SLC6A13: variants seen among roughly 807,000 people sequenced by gnomAD.
SLC6A13 encodes solute carrier family 6 member 13.
Under a neutral mutation model 72.9 loss-of-function variants are expected in SLC6A13, and 69 were observed. That is an observed-to-expected ratio of 0.95 (90% CI 0.78 to 1.16). The LOEUF (loss-of-function observed/expected upper bound fraction) is 1.16. SLC6A13 is among the 50% of genes most tolerant of loss of function. The pLI, the probability that SLC6A13 is intolerant of heterozygous loss-of-function variation, is 0.00. For missense variants in SLC6A13, 735 were observed against 760.5 expected (o/e 0.97, Z 0.39); for synonymous variants, 303 against 303.0 (o/e 1.00, Z 0.00).
chr12:233,561 G>A (rs1447973038), intron 7 of SLC6A13, among the ~76,000 whole-genome samples: 5 of 152,146 alleles, frequency 3.3e-5, no homozygotes, highest in East Asian at 3.9e-4. Flanking sequence ...AGGGAGCTGC[G>A]GCCTAGACAT....
rs778756012 is a variant in SLC6A13 at position 224,103 on chromosome 12, T to C, written c.1200A>G (p.Thr400=). 1.2e-6 allele frequency: 2 copies of C among 1,614,176 alleles called. No individual in the cohort carries two copies. The highest frequency in any genetic ancestry group is 1.7e-6 in the Non-Finnish European group (2 of 1,180,028). Residue 400 remains threonine, a synonymous_variant, in exon 11 of 15, where the codon ACA becomes ACG. Transcript: ENST00000343164. ...CGTGAGGGTACATGTCCACCAGCGC[T>C]GTCACCAGGCTTTCTACACACACAA... The part of the protein sequence containing the change: ...SQFVCVESLV[T]ALVDMYPHVF...
Position 254,885 on chromosome 12 carries a change from G to A in SLC6A13, c.202+4966C>T, listed in dbSNP as rs1362244538. ...TCTGGGGCTAGGCACAGTGGCTTAT[G>A]CCTGTAATCCCAGCACTTTGGGAGG... is the stretch of plus-strand genomic sequence containing the variant. On this transcript the variant is annotated intron_variant, in intron 2 of 14. Coordinates refer to ENST00000343164, the MANE Select transcript of SLC6A13 (RefSeq NM_016615.5). This position sits in a 1 kb window ranked among gnomAD's most constrained non-coding sequence, Gnocchi z 4.4. Among the ~76,000 whole-genome samples the A allele has an allele frequency of 6.6e-6, 1 of 152,158 alleles. No individual in the cohort carries two copies. The highest frequency in any genetic ancestry group is 2.4e-5 in the African/African-American group (1 of 41,442).
chr12:235,889 T>C (rs1475027070), intron 6 of SLC6A13, among the ~76,000 whole-genome samples: 1 of 152,168 alleles, frequency 6.6e-6, no homozygotes, highest in South Asian at 2.1e-4. Context: ...GGAATGTCTG[T>C]CTTATGCAGT....
At position 242,714 on chromosome 12, in the gene SLC6A13, G is replaced by A. The variant is rs148384490; in HGVS notation, c.378C>T (p.Asn126=). Residue 126 remains asparagine, a synonymous_variant, in exon 4 of 15, where the codon AAC becomes AAT. Transcript: ENST00000343164. ...AGGCCAACACAATGATGTAGTAGAC[G>A]TTGAGGAGGATGACGATCATCTGGG... is the stretch of plus-strand genomic sequence containing the variant. ...YASQMIVILL[N]VYYIIVLAWA... 45 of 1,604,356 alleles carry A rather than the reference G, an allele frequency of 2.8e-5. No individual in the cohort carries two copies. Among genetic ancestry groups the A allele is most frequent in the Middle Eastern group, 3.3e-4 (2 of 6,048 alleles).
At position 221,510 on chromosome 12, in the gene SLC6A13, G is replaced by T; in HGVS notation, c.1552C>A (p.Leu518Met). ...TACGTGTACTTCTTGTTGTAGGTCA[G>T]CGGAGTGTACTTTATCAGGGAGAAG... ...FLFSLIKYTP[L>M]TYNKKYTYPW... Residue 518 changes from leucine to methionine, a missense_variant, in exon 14 of 15, where the codon CTG becomes ATG. Coordinates refer to ENST00000343164, the MANE Select transcript of SLC6A13 (RefSeq NM_016615.5). 6.2e-7 allele frequency: 1 copy of T among 1,611,998 alleles called. No individual in the cohort carries two copies. The highest frequency in any genetic ancestry group is 1.1e-5 in the South Asian group (1 of 90,840).
intron 9 of SLC6A13, among the ~76,000 whole-genome samples, chr12:225,920 G>A (rs910754454): frequency 1.3e-5 from 2 of 152,170 alleles, no homozygotes; most frequent in Non-Finnish European, 2.9e-5. Flanking sequence ...TCACAAAAGA[G>A]GGAAACCCTA....
chr12:235,311 C>G, intron 6 of SLC6A13, 87 bp from the exon 7 acceptor site: 1 of 1,385,250 alleles, frequency 7.2e-7, no homozygotes, highest in Admixed American at 1.8e-5. Flanking sequence ...GGGGCAAGAG[C>G]TCCTCAGAAA....
chr12:238,254 A>G (rs1191685904), intron 4 of SLC6A13: 37 of 1,486,286 alleles, frequency 2.5e-5, no homozygotes, highest in Non-Finnish European at 3.2e-5. Flanking sequence ...CTCAAGCATG[A>G]TCAGATGGCA....
At chr12:247,222 G>T (rs1004899994) in intron 2 of SLC6A13, among the ~76,000 whole-genome samples, 3 of 149,692 alleles carry the variant, frequency 2.0e-5, no homozygotes, top group Admixed American at 6.7e-5. Flanking sequence ...GATCCAAAAA[G>T]TTCAACAAAC....
intron 7 of SLC6A13, among the ~76,000 whole-genome samples, chr12:233,440 G>C (rs913275413): frequency 2.0e-5 from 3 of 152,202 alleles, no homozygotes; most frequent in Non-Finnish European, 2.9e-5. Context: ...AAAAAAGCCC[G>C]CTGTAGTAGA....
chr12:238,916 A>G (rs972232504), intron 4 of SLC6A13, among the ~76,000 whole-genome samples: 1 of 152,080 alleles, frequency 6.6e-6, no homozygotes, highest in African/African-American at 2.4e-5. Flanking sequence ...TGGAATCTCC[A>G]TTTTGTTAAA....
Position 243,656 on chromosome 12 carries a change from G to T in SLC6A13, c.337+23C>A, listed in dbSNP as rs372696373. On this transcript the variant is annotated intron_variant, in intron 3 of 14. Transcript: ENST00000343164. ...TATAACCACGAATGAAGACGCTTTGGAGTCAGGTACAGAGCTACTCACCCT... is the reference window on the plus strand; with the variant it reads ...TATAACCACGAATGAAGACGCTTTGTAGTCAGGTACAGAGCTACTCACCCT... The T allele has an allele frequency of 7.5e-6, 12 of 1,603,440 alleles. No individual in the cohort carries two copies. The African/African-American group carries it at 9.4e-5, about 13-fold the overall frequency.
In SLC6A13 at chr12:239,826, G is replaced by A. The variant is rs116936960; in HGVS notation, c.479-1816C>T. 8.5e-5 allele frequency among the ~76,000 whole-genome samples: 13 copies of A among 152,274 alleles called. No homozygotes were observed. The East Asian group carries it at 2.5e-3, about 29-fold the overall frequency. On this transcript the variant is annotated intron_variant, in intron 4 of 14. Transcript: ENST00000343164. ...CATTCACTTTCCTGGACGCTGCAGT[G>A]CACCCAGAAAAGCATTATTTCATCT...
At chr12:239,813 T>C (rs778269777) in intron 4 of SLC6A13, among the ~76,000 whole-genome samples, 1 of 152,226 alleles carries the variant, frequency 6.6e-6, no homozygotes, top group Admixed American at 6.5e-5. Flanking sequence ...TTCACTTTCC[T>C]GGACGCTGCA....
At chr12:243,087 G>C (rs185574070) in intron 3 of SLC6A13, among the ~76,000 whole-genome samples, 302 of 151,316 alleles carry the variant, frequency 2.0e-3, no homozygotes, top group African/African-American at 6.6e-3. Context: ...TCGGCTCGCT[G>C]CAACCTCTGC....
chr12:250,721 G>T (rs1942501525), intron 2 of SLC6A13, among the ~76,000 whole-genome samples: 1 of 143,908 alleles, frequency 6.9e-6, no homozygotes, highest in South Asian at 2.2e-4. Flanking sequence ...TTTCCAAATT[G>T]ATCTATAGAT....
intron 4 of SLC6A13, among the ~76,000 whole-genome samples, chr12:240,698 G>A (rs1263056459): frequency 2.0e-5 from 3 of 152,222 alleles, no homozygotes; most frequent in Non-Finnish European, 2.9e-5. Flanking sequence ...GCAGGAGCAG[G>A]GCCGGGGCCG....
intron 2 of SLC6A13, among the ~76,000 whole-genome samples, chr12:249,962 T>G (rs1054013567): frequency 6.6e-6 from 1 of 152,156 alleles, no homozygotes; most frequent in African/African-American, 2.4e-5. Flanking sequence ...AAAATCAACA[T>G]AGTGTTGTAG....
At chr12:228,551 C>T (rs1259805836) in intron 7 of SLC6A13, among the ~76,000 whole-genome samples, 1 of 151,986 alleles carries the variant, frequency 6.6e-6, no homozygotes, top group Admixed American at 6.6e-5. Flanking sequence ...CATTCCAGAA[C>T]CCCCCCAAGC....
Sources: gnomAD v4.1 joint callset for allele counts (sites outside exome capture counted in the v4.1 genomes callset) on GRCh38, gnomAD v4.1.1 for gene constraint, Gnocchi (gnomAD v3.1) non-coding constraint, MANE v1.5 for transcripts, NCBI Gene and HGNC (gene_info 2026-07-23, HGNC 2026-07-21) for gene names.